The following TCF12 variants were observed in gnomAD, a reference collection of about 807,000 sequenced individuals.
TCF12 encodes DNA-binding protein HTF4.
TCF12 carries 45 observed loss-of-function variants against 86.0 expected under a neutral mutation model. The ratio of observed to expected loss-of-function variants is 0.52; its 90% CI spans 0.41 to 0.67. TCF12 has a LOEUF of 0.67. TCF12 is among the 30% of genes least tolerant of loss of function. The pLI, the probability that TCF12 is intolerant of heterozygous loss-of-function variation, is 0.00. For missense variants in TCF12, 881 were observed against 859.9 expected, an observed-to-expected ratio of 1.02 and a Z score of -0.31; for synonymous variants, 330 against 299.6, an observed-to-expected ratio of 1.10 and a Z score of -1.05.
At position 57,063,768 on chromosome 15, in the gene TCF12, G is replaced by A. The variant is rs750121247; in HGVS notation, c.167G>A (p.Gly56Asp). Reference sequence around the variant, plus strand: ...TTTTTAGGTATTGATGAAAGAGGAGGTACAACATCTTGGGGAACAAGTGGT... The same window carrying A: ...TTTTTAGGTATTGATGAAAGAGGAGATACAACATCTTGGGGAACAAGTGGT... ...FSGSGIDERG[G>D]TTSWGTSGQP... Residue 56 changes from glycine (G) to aspartate (D), a missense_variant, in exon 4 of 21, where the codon GGT (glycine) becomes GAT (aspartate). By Grantham distance (94) the Gly-to-Asp change is moderately conservative. Transcript: ENST00000333725. 6.2e-7 allele frequency: 1 copy of A among 1,604,016 alleles called. No homozygotes were observed. Among genetic ancestry groups the A allele is most frequent in the South Asian group, 1.1e-5 (1 of 89,860 alleles).
chr15:57,106,062 G>C (rs1402886866), intron 5 of TCF12, among the ~76,000 whole-genome samples: 1 of 152,142 alleles, frequency 6.6e-6, no homozygotes, highest in African/African-American at 2.4e-5. Flanking sequence ...ATATTACACA[G>C]CCTTCAGAGT....
intron 3 of TCF12, among the ~76,000 whole-genome samples, chr15:56,946,912 T>G (rs2061026974): frequency 6.6e-6 from 1 of 151,264 alleles, no homozygotes; most frequent in African/African-American, 2.4e-5. Context: ...ATTCTCCTGC[T>G]TCAGCCTCCC....
At chr15:56,967,771 GGCAGAT>G (rs2140681690) in intron 3 of TCF12, among the ~76,000 whole-genome samples, 2 of 152,242 alleles carry the variant, frequency 1.3e-5, no homozygotes, top group East Asian at 3.9e-4. Flanking sequence ...CAAGTATCAA[GGCAGAT>G]GCTTTCTAGC....
At chr15:57,213,030 A>G (rs763222467) in intron 8 of TCF12, among the ~76,000 whole-genome samples, 8 of 152,236 alleles carry the variant, frequency 5.3e-5, no homozygotes, top group Non-Finnish European at 8.8e-5. Context: ...TAGCTTAACA[A>G]ATTTCTTCCA....
At chr15:57,104,360 T>G (rs1238710812) in intron 5 of TCF12, among the ~76,000 whole-genome samples, 1 of 152,052 alleles carries the variant, frequency 6.6e-6, no homozygotes, top group Non-Finnish European at 1.5e-5. Context: ...ATAAGATAGT[T>G]GTAGCAATAT....
At chr15:57,215,771 T>A (rs1303262414) in intron 8 of TCF12, among the ~76,000 whole-genome samples, 1 of 152,174 alleles carries the variant, frequency 6.6e-6, no homozygotes, top group Non-Finnish European at 1.5e-5. Context: ...ACATTCTTGC[T>A]TACGGATCAT....
chr15:57,021,372 A>G (rs1377233378), intron 3 of TCF12, among the ~76,000 whole-genome samples: 1 of 152,176 alleles, frequency 6.6e-6, no homozygotes, highest in Non-Finnish European at 1.5e-5. Flanking sequence ...AAACATTGGC[A>G]TCGGGCGCGG....
At chr15:57,047,022 C>G (rs1057307013) in intron 3 of TCF12, among the ~76,000 whole-genome samples, 2 of 152,142 alleles carry the variant, frequency 1.3e-5, no homozygotes, top group African/African-American at 2.4e-5. Context: ...CTAAACTACG[C>G]CTTTCGTCTT....
chr15:56,973,979 T>C (rs2062471206), intron 3 of TCF12, among the ~76,000 whole-genome samples: 1 of 152,160 alleles, frequency 6.6e-6, no homozygotes, highest in Non-Finnish European at 1.5e-5. Context: ...TCTTCAAGTA[T>C]GTCAATATCA....
chr15:57,060,722 G>T (rs1382712013), intron 3 of TCF12, among the ~76,000 whole-genome samples: 34 of 152,088 alleles, frequency 2.2e-4, no homozygotes, highest in Admixed American at 2.2e-3. Flanking sequence ...TTGCAACTGT[G>T]GTGTATTTTC....
intron 3 of TCF12, among the ~76,000 whole-genome samples, chr15:56,972,604 A>G (rs749339667): frequency 2.4e-4 from 36 of 152,214 alleles, no homozygotes; most frequent in African/African-American, 7.7e-4. Flanking sequence ...CATAGAAAAG[A>G]TAAGCCAGGA....
Position 57,232,694 on chromosome 15 carries a change from A to G in TCF12, c.826-18A>G. 6.2e-7 allele frequency: 1 copy of G among 1,606,158 alleles called. No homozygotes were observed. ...ATTCAGAAAATATATTTAATAGATC[A>G]TATCTCTTTCCATCTAGAGTTATCC... On this transcript the variant is annotated intron_variant, in intron 10 of 20. Transcript: ENST00000333725.
intron 3 of TCF12, among the ~76,000 whole-genome samples, chr15:56,986,252 C>T (rs1339038878): frequency 6.6e-6 from 1 of 152,084 alleles, no homozygotes; most frequent in African/African-American, 2.4e-5. Flanking sequence ...CCTTATATTG[C>T]TGCTTACGTT....
rs2061742541 is a variant in TCF12, at chr15:57,282,592, C to A, written c.*5C>A. 11 of 1,612,006 alleles carry A rather than the reference C, an allele frequency of 6.8e-6. No individual in the cohort carries two copies. The highest frequency in any genetic ancestry group is 1.3e-5 in the African/African-American group (1 of 74,916). On this transcript the variant is annotated 3_prime_UTR_variant, in exon 20 of 21. Coordinates refer to ENST00000333725, the MANE Select transcript of TCF12 (RefSeq NM_207037.2). Reference sequence around the variant, plus strand: ...AACCCTATGGGTCATATGTAAACATCAGCCAGGTAAGTACGGGTTTGAAAA... The same window carrying A: ...AACCCTATGGGTCATATGTAAACATAAGCCAGGTAAGTACGGGTTTGAAAA...
intron 8 of TCF12, among the ~76,000 whole-genome samples, chr15:57,227,654 CTATTT>C (rs2058952101): frequency 6.6e-6 from 1 of 151,916 alleles, no homozygotes; most frequent in African/African-American, 2.4e-5. Flanking sequence ...GTTAGATTTT[CTATTT>C]TATTCTTCCA....
chr15:57,086,775 G>A (rs2151089566), intron 4 of TCF12, among the ~76,000 whole-genome samples: 1 of 150,148 alleles, frequency 6.7e-6, no homozygotes, highest in Non-Finnish European at 1.5e-5. Flanking sequence ...TAAAAACAGT[G>A]GTTTCTTTTT....
intron 5 of TCF12, among the ~76,000 whole-genome samples, chr15:57,114,968 G>A (rs993284201): frequency 6.6e-6 from 1 of 151,740 alleles, no homozygotes; most frequent in African/African-American, 2.4e-5. Flanking sequence ...AAAACAGTAA[G>A]CATGTTTATT....
chr15:57,063,933 A>C, intron 4 of TCF12, 110 bp downstream of exon 4: 1 of 838,954 alleles, frequency 1.2e-6, no homozygotes, highest in Non-Finnish European at 1.9e-6. Flanking sequence ...TTTTCATGGA[A>C]ATGCAGTAGA....
At chr15:57,156,580 A>G (rs531614018) in intron 5 of TCF12, among the ~76,000 whole-genome samples, 12 of 152,248 alleles carry the variant, frequency 7.9e-5, no homozygotes, top group Non-Finnish European at 2.9e-5. Context: ...ATTATACACT[A>G]TTTTAGAGCA....
Sources: gnomAD v4.1 joint callset for allele counts (sites outside exome capture counted in the v4.1 genomes callset) on GRCh38, gnomAD v4.1.1 for gene constraint, MANE v1.5 for transcripts, NCBI Gene and HGNC (gene_info 2026-07-23, HGNC 2026-07-21) for gene names.